The following QKI variants were observed in gnomAD, a reference collection of about 807,000 sequenced individuals.
QKI encodes the protein KH domain-containing RNA-binding protein QKI.
A neutral mutation model predicts 39.0 loss-of-function variants in QKI; 10 were observed. The ratio of observed to expected loss-of-function variants is 0.26; its 90% CI spans 0.16 to 0.43. QKI has a LOEUF of 0.43. QKI is among the 20% of genes least tolerant of loss of function. The pLI is 1.00. For synonymous variants in QKI, 204 were observed against 155.4 expected, an observed-to-expected ratio of 1.31 and a Z score of -2.33; for missense variants, 218 against 428.0, an observed-to-expected ratio of 0.51 and a Z score of 4.33.
chr6:163,488,227 C>T (rs934419054), intron 3 of QKI, among the ~76,000 whole-genome samples: 7 of 151,952 alleles, frequency 4.6e-5, no homozygotes, highest in African/African-American at 1.7e-4. Context: ...GTAACTTTGC[C>T]GTCTAGTGTA....
chr6:163,563,509 C>T lies in QKI; in HGVS notation c.724C>T (p.Arg242Cys). ...GCCGGTTCTCCCACCAGCTGCCCTG[C>T]GTACTCCTACGCCAGCTGGCCCTAC... ...PAPVLPPAALRTPTPAGPTIM... is the reference protein window; with the variant it reads ...PAPVLPPAALCTPTPAGPTIM... Residue 242 changes from arginine (R) to cysteine (C), a missense_variant, in exon 6 of 8, where the codon CGT becomes TGT. This residue lies in a region of QKI where 117 missense variants were observed against 186.0 expected (regional missense o/e 0.63). Transcript: ENST00000361752. 6.2e-7 allele frequency: 1 copy of T among 1,614,196 alleles called. No individual in the cohort carries two copies. The highest frequency in any genetic ancestry group is 1.1e-5 in the South Asian group (1 of 91,088).
At chr6:163,427,262 T>TG (rs1788480252) in intron 1 of QKI, among the ~76,000 whole-genome samples, 1 of 142,552 alleles carries the variant, frequency 7.0e-6, no homozygotes, top group Non-Finnish European at 1.6e-5. Context: ...TTTTTTTTTT[T>TG]TTTGCTGGCC....
chr6:163,445,816 G>C (rs919274882), intron 1 of QKI, among the ~76,000 whole-genome samples: 12 of 152,068 alleles, frequency 7.9e-5, no homozygotes, highest in Non-Finnish European at 1.5e-4. Flanking sequence ...GGATTTCACT[G>C]TGTTAGCCAG....
At chr6:163,512,788 A>G (rs1779562003) in intron 3 of QKI, among the ~76,000 whole-genome samples, 1 of 152,184 alleles carries the variant, frequency 6.6e-6, no homozygotes. Flanking sequence ...AATTATTCAC[A>G]GTATATTCTT....
At chr6:163,516,639 A>T (rs770427949) in intron 3 of QKI, among the ~76,000 whole-genome samples, 1 of 152,156 alleles carries the variant, frequency 6.6e-6, no homozygotes, top group African/African-American at 2.4e-5. Flanking sequence ...TGGTCTTTCA[A>T]TATACCTTTA....
intron 2 of QKI, among the ~76,000 whole-genome samples, chr6:163,476,996 C>T (rs1792653548): frequency 1.4e-5 from 2 of 143,382 alleles, no homozygotes; most frequent in African/African-American, 5.2e-5. Context: ...TTTTCAGATT[C>T]CTTTTTTTGT....
At chr6:163,449,706 C>T (rs1790407542) in intron 1 of QKI, among the ~76,000 whole-genome samples, 1 of 151,910 alleles carries the variant, frequency 6.6e-6, no homozygotes, top group Admixed American at 6.5e-5. Context: ...TTTTGATTTT[C>T]TTAGTTTAAA....
chr6:163,549,555 A>G lies in QKI; in HGVS notation c.547-12427A>G, dbSNP rs556262090. 5.9e-5 allele frequency among the ~76,000 whole-genome samples: 9 copies of G among 152,252 alleles called. 1 individual carries two copies. The South Asian group carries it at 6.2e-4, about 11-fold the overall frequency. On this transcript the variant is annotated intron_variant, in intron 4 of 7. Transcript: ENST00000361752. ...GTGAATCCCCATCTTTACGAAAAAT[A>G]CAAAAAATTAGTTGGGCATGGTGAC...
At chr6:163,565,897 C>G in intron 6 of QKI, 3 of 1,611,688 alleles carry the variant, frequency 1.9e-6, no homozygotes, top group Non-Finnish European at 2.5e-6. Context: ...GTATTAGCAT[C>G]AAGTCTTCAT....
At chr6:163,513,877 T>A (rs1779635751) in intron 3 of QKI, among the ~76,000 whole-genome samples, 2 of 151,974 alleles carry the variant, frequency 1.3e-5, no homozygotes. Flanking sequence ...GTTAGCATAC[T>A]TGCACTGATG....
chr6:163,427,111 A>G (rs977883020), intron 1 of QKI, among the ~76,000 whole-genome samples: 2 of 152,048 alleles, frequency 1.3e-5, no homozygotes, highest in African/African-American at 2.4e-5. Context: ...GGTGTTAAAC[A>G]TGTTCATTAC....
intron 1 of QKI, among the ~76,000 whole-genome samples, chr6:163,444,016 G>T (rs1242980553): frequency 6.6e-6 from 1 of 152,198 alleles, no homozygotes; most frequent in Non-Finnish European, 1.5e-5. Context: ...AAGAGCAAGT[G>T]TAGAGGAATC....
At chr6:163,463,662 AAGAT>A (rs1791506230) in intron 2 of QKI, among the ~76,000 whole-genome samples, 1 of 152,210 alleles carries the variant, frequency 6.6e-6, no homozygotes, top group Admixed American at 6.5e-5. Flanking sequence ...TCACGTGAGG[AAGAT>A]AGATTATCAC....
At chr6:163,453,054 A>G (rs902591687) in intron 1 of QKI, among the ~76,000 whole-genome samples, 2 of 146,310 alleles carry the variant, frequency 1.4e-5, no homozygotes, top group Non-Finnish European at 3.0e-5. Flanking sequence ...TAATCTAGTC[A>G]TTTTATCTGA....
rs1313349810 is a variant in QKI, at chr6:163,574,060, G to A, written c.*3350G>A. ...GTGCAGTAGAGATGGGAACAAAGTA[G>A]CCTTTGTTTGAGGCATTCTTCTCTT... On this transcript the variant is annotated 3_prime_UTR_variant, in exon 8 of 8. Coordinates refer to ENST00000361752, the MANE Select transcript of QKI (RefSeq NM_006775.3). 6.6e-6 allele frequency: 1 copy of A among 152,120 alleles called. No homozygotes were observed. Among genetic ancestry groups the A allele is most frequent in the Non-Finnish European group, 1.5e-5 (1 of 68,036 alleles). The allele number at this position is 152,120 out of a possible 1,614,324, so 9.4% of individuals were successfully genotyped here.
At position 163,557,198 on chromosome 6, in the gene QKI, A is replaced by G. The variant is rs555397005; in HGVS notation, c.547-4784A>G. Among the ~76,000 whole-genome samples the G allele has an allele frequency of 7.2e-5, 11 of 152,354 alleles. No homozygotes were observed. In the South Asian group the frequency reaches 2.1e-3, roughly 29 times the overall value. ...TCTGACAGCTGTCATACTGAGGGAA[A>G]GAAATTGAACACAAAATATTATATA... On this transcript the variant is annotated intron_variant, in intron 4 of 7. Coordinates refer to ENST00000361752, the MANE Select transcript of QKI (RefSeq NM_006775.3).
chr6:163,415,156 C>G lies in QKI; in HGVS notation c.-38C>G. On this transcript the variant is annotated 5_prime_UTR_variant, in exon 1 of 8. Transcript: ENST00000361752. ...CCTCCCTCCTCTCCGGCGGCGGCGG[C>G]GGCGGCGGCGGGCGGAGTGAGCTGC... 7.0e-7 allele frequency: 1 copy of G among 1,420,194 alleles called. No homozygotes were observed. The highest frequency in any genetic ancestry group is 9.4e-7 in the Non-Finnish European group (1 of 1,068,066). 88.0% of individuals were successfully genotyped at this position (1,420,194 alleles called of 1,614,324 possible).
intron 1 of QKI, 31 bp from the exon 2 acceptor site, chr6:163,455,248 C>CT: frequency 6.4e-7 from 1 of 1,574,746 alleles, no homozygotes; most frequent in East Asian, 2.3e-5. Flanking sequence ...TTTTTTTTGT[C>CT]TAACACATTT....
At chr6:163,475,610 G>A (rs942344139) in intron 2 of QKI, among the ~76,000 whole-genome samples, 2 of 152,164 alleles carry the variant, frequency 1.3e-5, no homozygotes, top group African/African-American at 4.8e-5. Flanking sequence ...TGACACTGGA[G>A]CAATTGGAAA....
Sources: gnomAD v4.1 joint callset for allele counts (sites outside exome capture counted in the v4.1 genomes callset) on GRCh38, gnomAD v4.1.1 for gene constraint, gnomAD v4.1.1 regional missense constraint, MANE v1.5 for transcripts, NCBI Gene and HGNC (gene_info 2026-07-23, HGNC 2026-07-21) for gene names.